The following SLC38A8 variants were observed in gnomAD, a reference collection of about 807,000 sequenced individuals.
SLC38A8 encodes amino acid transporter SLC38A8.
Under a neutral mutation model 46.0 loss-of-function variants are expected in SLC38A8, and 65 were observed. The observed-to-expected ratio is 1.41, with a 90% CI of 1.16 to 1.74. SLC38A8 has a LOEUF of 1.74. Among genes scored for constraint, SLC38A8 ranks in the 40% most tolerant of loss-of-function variants. The pLI is 0.00. For synonymous variants in SLC38A8, 447 were observed against 243.7 expected (o/e 1.83, Z -7.77); for missense variants, 998 against 567.9 (o/e 1.76, Z -7.70).
chr16:84,011,292 G>C (rs565106513), intron 10 of SLC38A8, among the ~76,000 whole-genome samples: 2 of 152,204 alleles, frequency 1.3e-5, no homozygotes, highest in African/African-American at 4.8e-5. Context: ...CTCAGATCAA[G>C]GAACAAAACA....
chr16:84,027,394 C>T (rs965073694), intron 6 of SLC38A8, among the ~76,000 whole-genome samples: 1 of 151,566 alleles, frequency 6.6e-6, no homozygotes, highest in African/African-American at 2.4e-5. Flanking sequence ...CAAACACACA[C>T]TAGAAGTCCT....
chr16:84,013,218 G>A (rs934521336), intron 9 of SLC38A8, among the ~76,000 whole-genome samples, 166 bp from the exon 10 acceptor site: 12 of 152,280 alleles, frequency 7.9e-5, no homozygotes, highest in East Asian at 5.8e-4. Context: ...CTGGAAGGAC[G>A]GGGCTGGAGT....
chr16:84,024,830 C>T (rs1382293361), intron 6 of SLC38A8, among the ~76,000 whole-genome samples: 3 of 152,078 alleles, frequency 2.0e-5, no homozygotes, highest in Non-Finnish European at 4.4e-5. Flanking sequence ...GCTGGGATTA[C>T]AGGCACGCCC....
intron 5 of SLC38A8, among the ~76,000 whole-genome samples, chr16:84,030,917 T>G (rs759184744): frequency 6.6e-6 from 1 of 152,142 alleles, no homozygotes; most frequent in African/African-American, 2.4e-5. Context: ...CTATTCCTCA[T>G]TGCCTCCTCT....
chr16:84,014,590 T>TA (rs748172020), intron 9 of SLC38A8, among the ~76,000 whole-genome samples: 28 of 151,614 alleles, frequency 1.8e-4, no homozygotes, highest in Non-Finnish European at 2.8e-4. Context: ...AGGAGCCACA[T>TA]GGCCACTCCC....
In SLC38A8 at chr16:84,009,691, G is replaced by T. The variant is rs113690446; in HGVS notation, c.*93C>A. On this transcript the variant is annotated 3_prime_UTR_variant, in exon 11 of 11. Coordinates refer to ENST00000299709, the MANE Select transcript of SLC38A8 (RefSeq NM_001080442.3). ...ATCAGTCTCTCCAGCATCTTTATGA[G>T]GAAAAGAAATGGCATCGGTCTCCTG... 32,844 of 1,086,276 alleles carry T rather than the reference G, an allele frequency of 0.03. 570 individuals are homozygous for T. The highest frequency in any genetic ancestry group is 0.045 in the African/African-American group (2,816 of 62,522). 67.3% of individuals were successfully genotyped at this position (1,086,276 alleles called of 1,614,324 possible).
chr16:84,024,840 C>T (rs1399353447), intron 6 of SLC38A8, among the ~76,000 whole-genome samples: 1 of 152,010 alleles, frequency 6.6e-6, no homozygotes, highest in African/African-American at 2.4e-5. Flanking sequence ...CAGGCACGCC[C>T]AGCTAATTTT....
chr16:84,019,757 T>C (rs1161882551), intron 7 of SLC38A8, among the ~76,000 whole-genome samples: 1 of 152,186 alleles, frequency 6.6e-6, no homozygotes, highest in African/African-American at 2.4e-5. Flanking sequence ...CAGGACACAA[T>C]GGCAGTGCAG....
chr16:84,031,551 G>T (rs1430903944), intron 5 of SLC38A8, among the ~76,000 whole-genome samples: 1 of 150,518 alleles, frequency 6.6e-6, no homozygotes, highest in Non-Finnish European at 1.5e-5. Flanking sequence ...ACATGCAGCT[G>T]GATGGCTGCC....
At chr16:84,014,552 TCTAAAAGTTCCACC>T (rs1327467549) in intron 9 of SLC38A8, among the ~76,000 whole-genome samples, 1 of 150,934 alleles carries the variant, frequency 6.6e-6, no homozygotes. Context: ...CCCTCTCCTC[TCTAAAAGTTCCACC>T]CAGAACCTGA....
rs779394877 is a variant in SLC38A8 at position 84,036,751 on chromosome 16, G to A, written c.339C>T (p.Leu113=). The A allele has an allele frequency of 9.9e-6, 16 of 1,614,104 alleles. No individual in the cohort carries two copies. In the Admixed American group the frequency reaches 2.0e-4, roughly 20 times the overall value. The change falls in exon 3 of 11, where the codon CTC becomes CTT. Residue 113 remains leucine (L), a synonymous_variant. Transcript: ENST00000299709. ...CCCTGAGGAAGGCCACGGAGATCATGAGCAGGTTGAGGAGGAAGCAGGCCT... is the reference window on the plus strand; with the variant it reads ...CCCTGAGGAAGGCCACGGAGATCATAAGCAGGTTGAGGAGGAAGCAGGCCT... ...LCEACFLLNL[L]MISVAFLRVI...
rs780336355 is a variant in SLC38A8 at position 84,033,331 on chromosome 16, G to C, written c.527C>G (p.Thr176Arg). ...CAGGCAGCATCCCAGCCCTTACCTTGTGTATTTCTGGAAGGCGATCTCCCG... is the reference window on the plus strand; with the variant it reads ...CAGGCAGCATCCCAGCCCTTACCTTCTGTATTTCTGGAAGGCGATCTCCCG... ...APREIAFQKY[T>R]SILGTLAACY... Residue 176 changes from threonine (T) to arginine (R), a missense_variant, in exon 4 of 11, where the codon ACA becomes AGA. Coordinates refer to ENST00000299709, the MANE Select transcript of SLC38A8 (RefSeq NM_001080442.3). 4 of 1,614,012 alleles carry C rather than the reference G, an allele frequency of 2.5e-6. No individual in the cohort carries two copies. The highest frequency in any genetic ancestry group is 1.7e-5 in the Admixed American group (1 of 60,006).
At chr16:84,031,617 G>A (rs1045465708) in intron 5 of SLC38A8, among the ~76,000 whole-genome samples, 7 of 152,222 alleles carry the variant, frequency 4.6e-5, no homozygotes, top group African/African-American at 7.2e-5. Context: ...TGACCCCTAG[G>A]CCGCCGCAGC....
chr16:84,036,745 G>A lies in SLC38A8; in HGVS notation c.345C>T (p.Ile115=). The A allele has an allele frequency of 6.2e-7, 1 of 1,614,238 alleles. No individual in the cohort carries two copies. Among genetic ancestry groups the A allele is most frequent in the Non-Finnish European group, 8.5e-7 (1 of 1,180,052 alleles). The part of the protein sequence containing the change: ...EACFLLNLLM[I]SVAFLRVIGD... ...CGATCACCCTGAGGAAGGCCACGGA[G>A]ATCATGAGCAGGTTGAGGAGGAAGC... is the stretch of plus-strand genomic sequence containing the variant. Residue 115 remains isoleucine, a synonymous_variant, in exon 3 of 11, where the codon ATC becomes ATT. Transcript: ENST00000299709.
At chr16:84,029,452 C>G (rs779197932) in intron 6 of SLC38A8, 42 bp downstream of exon 6, 1 of 1,609,314 alleles carries the variant, frequency 6.2e-7, no homozygotes, top group Non-Finnish European at 8.5e-7. Flanking sequence ...CACCCACAGC[C>G]TCTGCAAACG....
At chr16:84,016,307 T>A (rs576073313) in intron 9 of SLC38A8, among the ~76,000 whole-genome samples, 30 of 152,254 alleles carry the variant, frequency 2.0e-4, no homozygotes, top group Admixed American at 5.9e-4. Context: ...CCAAACCTCA[T>A]CAGGAGCTAA....
chr16:84,033,396 G>T lies in SLC38A8; in HGVS notation c.462C>A (p.Pro154=). The T allele has an allele frequency of 4.3e-6, 7 of 1,613,986 alleles. No individual in the cohort carries two copies. Among genetic ancestry groups the T allele is most frequent in the Admixed American group, 1.7e-5 (1 of 60,012 alleles). Residue 154 remains proline, a synonymous_variant, in exon 4 of 11, where the codon CCC becomes CCA. Transcript: ENST00000299709. The part of the protein sequence containing the change: ...PWYADQRFTL[P]LLSVLVILPL... ...GCAGGATGACCAGCACGGAGAGCAGGGGCAGGGTGAAGCGCTGGTCTGCGT... is the reference window on the plus strand; with the variant it reads ...GCAGGATGACCAGCACGGAGAGCAGTGGCAGGGTGAAGCGCTGGTCTGCGT...
chr16:84,031,033 C>G (rs955872097), intron 5 of SLC38A8, among the ~76,000 whole-genome samples: 3 of 152,098 alleles, frequency 2.0e-5, no homozygotes, highest in Admixed American at 6.5e-5. Context: ...AAAGGGTGAG[C>G]CTTTTTATTA....
chr16:84,032,195 TTGTTG>T (rs1567700895), intron 4 of SLC38A8, among the ~76,000 whole-genome samples: 5 of 148,266 alleles, frequency 3.4e-5, no homozygotes, highest in Non-Finnish European at 7.5e-5. Flanking sequence ...TTTGTTGTTG[TTGTTG>T]TTTTTTGAGA....
Sources: gnomAD v4.1 joint callset for allele counts (sites outside exome capture counted in the v4.1 genomes callset) on GRCh38, gnomAD v4.1.1 for gene constraint, MANE v1.5 for transcripts, NCBI Gene and HGNC (gene_info 2026-07-23, HGNC 2026-07-21) for gene names.